Variants in CRACDL observed in about 807,000 individuals in gnomAD.
CRACDL encodes CRACD-like protein.
Under a neutral mutation model 70.6 loss-of-function variants are expected in CRACDL, and 26 were observed. The ratio of observed to expected loss-of-function variants is 0.37; its 90% confidence interval spans 0.27 to 0.51. The LOEUF (loss-of-function observed/expected upper bound fraction) is 0.51, where lower values mean the gene tolerates loss of function less well. Ranked by LOEUF, CRACDL falls within the 20% of genes least tolerant of loss-of-function variation. The pLI is 0.94. For synonymous variants in CRACDL, 618 were observed against 615.2 expected (o/e 1.00, Z -0.07); for missense variants, 1,283 against 1,376.9 (o/e 0.93, Z 1.08).
chr2:98,845,697 A>T (rs2104533807), intron 2 of CRACDL, among the ~76,000 whole-genome samples: 1 of 152,302 alleles, frequency 6.6e-6, no homozygotes, highest in East Asian at 1.9e-4. Context: ...AGGTCATTTC[A>T]GGCTGATGAA....
At chr2:98,819,812 ATTCTT>A (rs1704946453) in intron 7 of CRACDL, among the ~76,000 whole-genome samples, 1 of 117,084 alleles carries the variant, frequency 8.5e-6, no homozygotes, top group Admixed American at 8.8e-5. Flanking sequence ...AGCCTGAAAC[ATTCTT>A]TTTTTTTTTT....
chr2:98,916,677 A>G (rs1003565152), intron 1 of CRACDL, among the ~76,000 whole-genome samples: 1 of 152,040 alleles, frequency 6.6e-6, no homozygotes, highest in African/African-American at 2.4e-5. Flanking sequence ...CTTTTTAAAA[A>G]GTTTTATTAT....
At chr2:98,807,360 T>C (rs1420150385) in intron 7 of CRACDL, among the ~76,000 whole-genome samples, 4 of 152,230 alleles carry the variant, frequency 2.6e-5, no homozygotes, top group African/African-American at 9.6e-5. Context: ...TGCTGACATT[T>C]TGGGCTGGAT....
At chr2:98,924,427 G>A (rs2104698452) in intron 1 of CRACDL, among the ~76,000 whole-genome samples, 1 of 152,264 alleles carries the variant, frequency 6.6e-6, no homozygotes, top group South Asian at 2.1e-4. Context: ...TTAATTAGTG[G>A]GGTAATACAT....
chr2:98,810,998 T>C (rs1471267914), intron 7 of CRACDL, among the ~76,000 whole-genome samples: 3 of 152,104 alleles, frequency 2.0e-5, no homozygotes, highest in African/African-American at 7.2e-5. Context: ...GCCCATGCTT[T>C]ACTGTGGAGT....
intron 1 of CRACDL, among the ~76,000 whole-genome samples, chr2:98,889,455 G>A (rs1440762114): frequency 6.6e-6 from 1 of 152,042 alleles, no homozygotes; most frequent in Non-Finnish European, 1.5e-5. Context: ...AATGACAAAA[G>A]TACCAATGAA....
intron 1 of CRACDL, among the ~76,000 whole-genome samples, chr2:98,879,473 G>A (rs903344933): frequency 1.3e-5 from 2 of 152,194 alleles, no homozygotes; most frequent in African/African-American, 4.8e-5. Context: ...TGAGGACACA[G>A]AACAATATGG....
At chr2:98,801,456 G>T (rs1704072066) in intron 7 of CRACDL, among the ~76,000 whole-genome samples, 1 of 152,270 alleles carries the variant, frequency 6.6e-6, no homozygotes, top group Non-Finnish European at 1.5e-5. Flanking sequence ...AGTGAGCACA[G>T]GCAGAGCAGC....
intron 7 of CRACDL, among the ~76,000 whole-genome samples, chr2:98,820,539 CAAACAACAA>C (rs1704985221): frequency 6.6e-6 from 1 of 152,080 alleles, no homozygotes; most frequent in Non-Finnish European, 1.5e-5. Context: ...GTCTCAAAAA[CAAACAACAA>C]CAAAAACAAC....
intron 5 of CRACDL, among the ~76,000 whole-genome samples, chr2:98,827,537 G>T (rs1435965262): frequency 6.6e-6 from 1 of 152,166 alleles, no homozygotes; most frequent in Non-Finnish European, 1.5e-5. Context: ...TGATCCGCCC[G>T]CCTTGGCCTC....
At chr2:98,864,035 G>T (rs144691473) in intron 1 of CRACDL, among the ~76,000 whole-genome samples, 96 of 152,238 alleles carry the variant, frequency 6.3e-4, no homozygotes, top group African/African-American at 2.1e-3. Flanking sequence ...CACTTAAAAT[G>T]ATTAAGATGG....
chr2:98,807,917 G>A (rs1158636053), intron 7 of CRACDL, among the ~76,000 whole-genome samples: 2 of 152,152 alleles, frequency 1.3e-5, no homozygotes, highest in Non-Finnish European at 2.9e-5. Flanking sequence ...CAGAGTCTCA[G>A]CAAGATGCTA....
Position 98,823,023 on chromosome 2 carries a change from T to C in CRACDL, c.1250A>G (p.Asp417Gly). ...PEGDTTPPET[D>G]PAATSEAPSA... ...GGGCGCCTCTGAGGTGGCGGCGGGG[T>C]CAGTCTCGGGGGGAGTCGTGTCCCC... Residue 417 changes from aspartate (D) to glycine (G), a missense_variant, in exon 7 of 10, where the codon GAC becomes GGC. By Grantham distance (94) the Asp-to-Gly change is moderately conservative. Coordinates refer to ENST00000397899, the MANE Select transcript of CRACDL (RefSeq NM_207362.3). The surrounding 1 kb of genome is among the most constrained non-coding windows in gnomAD (Gnocchi z 4.0). 1 of 1,510,710 alleles carries C rather than the reference T, an allele frequency of 6.6e-7. No individual in the cohort carries two copies. The allele number at this position is 1,510,710 out of a possible 1,614,324, so 93.6% of individuals were successfully genotyped here. A position where few individuals can be genotyped will look rare whatever the true frequency, so the allele number is the denominator to read the frequency against.
intron 7 of CRACDL, among the ~76,000 whole-genome samples, chr2:98,809,347 T>C (rs1469286959): frequency 3.9e-5 from 6 of 152,094 alleles, no homozygotes; most frequent in African/African-American, 1.4e-4. Flanking sequence ...CCGCTTCTCA[T>C]TGTCCCCTTG....
rs182463252 is a variant in CRACDL at position 98,907,248 on chromosome 2, C to T, written c.-11+28690G>A. ...CGGAGGTTGCGGTGAGCCAAGATCG[C>T]GCCATTGCACTGCAGCCTAGGCGAC... On this transcript the variant is annotated intron_variant, in intron 1 of 9. Transcript: ENST00000397899. Among the ~76,000 whole-genome samples, 600 of 152,260 alleles carry T rather than the reference C, an allele frequency of 3.9e-3. 3 individuals are homozygous for T. The highest frequency in any genetic ancestry group is 8.5e-3 in the Admixed American group (130 of 15,294).
chr2:98,928,560 G>A (rs975578640), intron 1 of CRACDL, among the ~76,000 whole-genome samples: 1 of 152,018 alleles, frequency 6.6e-6, no homozygotes, highest in African/African-American at 2.4e-5. Flanking sequence ...GGTCTATAGG[G>A]CTTCCTCCCC....
chr2:98,814,190 T>C (rs1392775205), intron 7 of CRACDL, among the ~76,000 whole-genome samples: 2 of 152,138 alleles, frequency 1.3e-5, no homozygotes, highest in Non-Finnish European at 2.9e-5. Flanking sequence ...GTTTATTATT[T>C]CTTTCCTTCT....
In CRACDL at chr2:98,797,407, C is replaced by T. The variant is rs1355853891; in HGVS notation, c.2547G>A (p.Gly849=). Residue 849 remains glycine (G), a synonymous_variant, in exon 8 of 10, where the codon GGG becomes GGA. Coordinates refer to ENST00000397899, the MANE Select transcript of CRACDL (RefSeq NM_207362.3). ...DQPPNQEDKP[G]ARTLKSEPGK... is the part of the protein sequence containing the mutation. ...CTGGTTCAGACTTCAGGGTCCGTGC[C>T]CCAGGCTTGTCTTCCTGGTTGGGTG... The T allele has an allele frequency of 3.7e-6, 6 of 1,614,206 alleles. No individual in the cohort carries two copies. Among genetic ancestry groups the T allele is most frequent in the Non-Finnish European group, 5.1e-6 (6 of 1,180,042 alleles).
At chr2:98,796,311 CA>C (rs747319619) in intron 8 of CRACDL, 47 bp from the exon 9 acceptor site, 83 of 1,578,354 alleles carry the variant, frequency 5.3e-5, no homozygotes, top group Non-Finnish European at 7.0e-5. Context: ...ATGATTCAGA[CA>C]GGGGCAAACA....
Sources: gnomAD v4.1 joint callset for allele counts (sites outside exome capture counted in the v4.1 genomes callset) on GRCh38, gnomAD v4.1.1 for gene constraint, Gnocchi (gnomAD v3.1) non-coding constraint, MANE v1.5 for transcripts, NCBI Gene and HGNC (gene_info 2026-07-23, HGNC 2026-07-21) for gene names.